The following DENND2B variants were observed in gnomAD, a reference collection of about 807,000 sequenced individuals.
DENND2B encodes DENN domain containing 2B.
DENND2B carries 32 observed loss-of-function variants against 116.0 expected under a neutral mutation model. That is an observed-to-expected ratio of 0.28 (90% CI 0.21 to 0.37). The LOEUF (loss-of-function observed/expected upper bound fraction) is 0.37, where lower values mean the gene tolerates loss of function less well. DENND2B is among the 10% of genes least tolerant of loss of function. The pLI is 1.00. For missense variants in DENND2B, 1,276 were observed against 1,477.7 expected, an observed-to-expected ratio of 0.86 and a Z score of 2.24; for synonymous variants, 588 against 583.9, an observed-to-expected ratio of 1.01 and a Z score of -0.10.
chr11:8,871,512 A>G (rs1044974469), upstream of DENND2B: 5 of 152,288 alleles, frequency 3.3e-5, no homozygotes, highest in African/African-American at 1.2e-4. Context: ...AGAGTCTGGG[A>G]AAAGCTGCCT....
At chr11:8,784,191 T>G (rs1316701596) in intron 1 of DENND2B, 1 of 149,616 alleles carries the variant, frequency 6.7e-6, no homozygotes, top group East Asian at 2.0e-4. Context: ...CCCTCAGGAT[T>G]GAACTATGAT....
intron 1 of DENND2B, among the ~76,000 whole-genome samples, chr11:8,898,884 T>C (rs1707756018): frequency 6.6e-6 from 1 of 152,170 alleles, no homozygotes; most frequent in Non-Finnish European, 1.5e-5. Flanking sequence ...ACTTTTTCTG[T>C]AGGGGCCCAA....
At chr11:8,872,249 G>C (rs566203288), upstream of DENND2B, among the ~76,000 whole-genome samples, 3 of 152,236 alleles carry the variant, frequency 2.0e-5, no homozygotes, top group South Asian at 6.2e-4. Context: ...GCACTTTGGA[G>C]GCCAAGGTGG....
intron 4 of DENND2B, among the ~76,000 whole-genome samples, chr11:8,720,498 C>G (rs2045972338): frequency 6.6e-6 from 1 of 152,222 alleles, no homozygotes; most frequent in African/African-American, 2.4e-5. Context: ...TGCTCCTCCC[C>G]AGCCCCTTGT....
In DENND2B at chr11:8,699,236, G is replaced by T. The variant is rs1479956762; in HGVS notation, c.2875C>A (p.Leu959Met). The part of the protein sequence containing the change: ...VGLLSSSLPK[L>M]KELPVEEALM... ...ACCTCCTCCACAGGCAGCTCCTTCA[G>T]TTTGGGGAGGGAGCTGGAGAGCAGG... Residue 959 changes from leucine to methionine, a missense_variant, in exon 15 of 20, where the codon CTG becomes ATG. Around this residue, in one of 2 missense-constraint regions of DENND2B, gnomAD observed 420 missense variants for 631.1 expected, o/e 0.67. Coordinates refer to ENST00000313726, the MANE Select transcript of DENND2B (RefSeq NM_213618.2). 3.2e-6 allele frequency: 5 copies of T among 1,577,748 alleles called. No individual in the cohort carries two copies. The South Asian group carries it at 4.7e-5, about 15-fold the overall frequency.
At chr11:8,888,768 A>C (rs1336817999) in intron 1 of DENND2B, among the ~76,000 whole-genome samples, 1 of 152,238 alleles carries the variant, frequency 6.6e-6, no homozygotes, top group Non-Finnish European at 1.5e-5. Context: ...ACTTGAATAG[A>C]CATTTCTCAA....
Position 8,712,448 on chromosome 11 carries a change from G to T in DENND2B, c.2172+103C>A. 7.7e-7 allele frequency: 1 copy of T among 1,305,448 alleles called. No individual in the cohort carries two copies. Among genetic ancestry groups the T allele is most frequent in the Non-Finnish European group, 1.0e-6 (1 of 960,696 alleles). The allele number at this position is 1,305,448 out of a possible 1,614,324, so 80.9% of individuals were successfully genotyped here. On this transcript the variant is annotated intron_variant, in intron 9 of 19. Transcript: ENST00000313726. This position sits in a 1 kb window ranked among gnomAD's most constrained non-coding sequence, Gnocchi z 4.4. Reference sequence around the variant, plus strand: ...GTTCAGGGCTGTGGCAGCTCGGTGAGGACGTATGACGAACAAGATCTCTCT... The same window carrying T: ...GTTCAGGGCTGTGGCAGCTCGGTGATGACGTATGACGAACAAGATCTCTCT...
rs190555668 is a variant in DENND2B, at chr11:8,840,122, G to A, written c.-155-772C>T. Among the ~76,000 whole-genome samples, 283 of 152,122 alleles carry A rather than the reference G, an allele frequency of 1.9e-3. 6 individuals are homozygous for A. Among genetic ancestry groups the A allele is most frequent in the African/African-American group, 6.7e-3 (279 of 41,398 alleles). ...TGCCTCATTTGTAATCAAGGGCAGCGAGAATGAGACTAATGTAAACAGGCC... is the reference window on the plus strand; with the variant it reads ...TGCCTCATTTGTAATCAAGGGCAGCAAGAATGAGACTAATGTAAACAGGCC... On this transcript the variant is annotated intron_variant, in intron 3 of 6. Transcript: ENST00000524757.
At chr11:8,706,491 C>G (rs571751749) in intron 13 of DENND2B, among the ~76,000 whole-genome samples, 3 of 151,894 alleles carry the variant, frequency 2.0e-5, no homozygotes, top group Non-Finnish European at 4.4e-5. Context: ...CGTTCATATC[C>G]TTCTCTTTCC....
At chr11:8,742,591 G>C (rs996147000) in intron 2 of DENND2B, among the ~76,000 whole-genome samples, 1 of 152,236 alleles carries the variant, frequency 6.6e-6, no homozygotes, top group Non-Finnish European at 1.5e-5. Flanking sequence ...TGCAGGCAAA[G>C]TGCTGAAGGT....
rs370078795 is a variant in DENND2B, at chr11:8,730,629, C to G, written c.661G>C (p.Asp221His). Residue 221 changes from aspartate to histidine, a missense_variant, in exon 3 of 20, where the codon GAT (aspartate) becomes CAT (histidine). Around this residue, in one of 2 missense-constraint regions of DENND2B, gnomAD observed 856 missense variants for 846.6 expected, o/e 1.01. Coordinates refer to ENST00000313726, the MANE Select transcript of DENND2B (RefSeq NM_213618.2). The surrounding 1 kb of genome is among the most constrained non-coding windows in gnomAD (Gnocchi z 4.1). ...CTCATCCTCCGGAGGCCCTTGAAAT[C>G]AAAGGTCTTTTCAGAGCTGCAGGGG... The part of the protein sequence containing the change: ...PSPCSSEKTF[D>H]FKGLRRMSRT... The G allele has an allele frequency of 8.7e-5, 141 of 1,612,864 alleles. No individual in the cohort carries two copies. The highest frequency in any genetic ancestry group is 1.2e-4 in the Non-Finnish European group (136 of 1,179,994).
intron 1 of DENND2B, among the ~76,000 whole-genome samples, chr11:8,904,539 A>G (rs143706686): frequency 4.1e-4 from 62 of 152,344 alleles, no homozygotes; most frequent in African/African-American, 7.2e-4. Flanking sequence ...TCCCCTTGCC[A>G]CTTCTATTCA....
At chr11:8,837,766 C>G in intron 4 of DENND2B, among the ~76,000 whole-genome samples, 1 of 152,158 alleles carries the variant, frequency 6.6e-6, no homozygotes, top group African/African-American at 2.4e-5. Context: ...TGAACAGAAC[C>G]AACAATCAAT....
At chr11:8,854,016 ATTTTTTTTTTT>A (rs71059187) in intron 3 of DENND2B, among the ~76,000 whole-genome samples, 9 of 62,774 alleles carry the variant, frequency 1.4e-4, no homozygotes, top group South Asian at 7.7e-4. Context: ...GCCCCAGTTA[ATTTTTTTTTTT>A]TTTTTTTTTT....
chr11:8,713,341 G>A (rs1176619476), intron 8 of DENND2B, among the ~76,000 whole-genome samples: 1 of 152,052 alleles, frequency 6.6e-6, no homozygotes, highest in Non-Finnish European at 1.5e-5. Flanking sequence ...TGCCAGAAGA[G>A]GTCCTTGTAA....
At chr11:8,797,468 T>TTCTTCCCCC (rs1565970008) in intron 1 of DENND2B, among the ~76,000 whole-genome samples, 1 of 130,770 alleles carries the variant, frequency 7.6e-6, no homozygotes, top group African/African-American at 3.0e-5. Flanking sequence ...CTTCTTCCCC[T>TTCTTCCCCC]TTCTTCCCCT....
intron 4 of DENND2B, among the ~76,000 whole-genome samples, chr11:8,830,344 T>C (rs1594146754): frequency 6.6e-6 from 1 of 152,268 alleles, no homozygotes; most frequent in East Asian, 1.9e-4. Context: ...CAAGGAAAGT[T>C]TTCTGTGGTT....
upstream of DENND2B, among the ~76,000 whole-genome samples, chr11:8,873,478 T>C (rs1452634264): frequency 6.6e-6 from 1 of 152,262 alleles, no homozygotes. Flanking sequence ...AGTCTAAATA[T>C]AGCCTTGAGT....
intron 2 of DENND2B, among the ~76,000 whole-genome samples, chr11:8,868,310 A>G (rs1166463399): frequency 6.6e-6 from 1 of 152,232 alleles, no homozygotes; most frequent in Non-Finnish European, 1.5e-5. Context: ...AGCATGTCAC[A>G]TTCCTGTACA....
Sources: gnomAD v4.1 joint callset for allele counts (sites outside exome capture counted in the v4.1 genomes callset) on GRCh38, gnomAD v4.1.1 for gene constraint, gnomAD v4.1.1 regional missense constraint, Gnocchi (gnomAD v3.1) non-coding constraint, MANE v1.5 for transcripts, NCBI Gene and HGNC (gene_info 2026-07-23, HGNC 2026-07-21) for gene names.